The following RGL3 variants were observed in gnomAD, a reference collection of about 807,000 sequenced individuals.
RGL3 encodes the protein ral guanine nucleotide dissociation stimulator like 3.
Under a neutral mutation model 90.6 loss-of-function variants are expected in RGL3, and 85 were observed. The observed-to-expected ratio is 0.94, with a 90% CI of 0.79 to 1.12. The LOEUF (loss-of-function observed/expected upper bound fraction) is 1.12, where lower values mean the gene tolerates loss of function less well. Among genes scored for constraint, RGL3 ranks in the 50% most tolerant of loss-of-function variants. RGL3 has a pLI of 0.00. For missense variants in RGL3, 1,034 were observed against 939.2 expected, an observed-to-expected ratio of 1.10 and a Z score of -1.32; for synonymous variants, 408 against 385.5, an observed-to-expected ratio of 1.06 and a Z score of -0.68.
In RGL3 at chr19:11,416,135, C is replaced by T. The variant is rs779035804; in HGVS notation, c.439G>A (p.Val147Met). The part of the protein sequence containing the change: ...FNKNLRAVVS[V>M]LGSWLQDHPQ... ...TGGTCCTGCAGCCAGGAGCCCAGCA[C>T]TGACACCACAGCCCTGGCCAGAGAG... The change falls in exon 5 of 19, where the codon GTG becomes ATG. Residue 147 changes from valine to methionine, a missense_variant. Transcript: ENST00000380456. The T allele has an allele frequency of 6.3e-7, 1 of 1,577,334 alleles. No homozygotes were observed. Among genetic ancestry groups the T allele is most frequent in the Non-Finnish European group, 8.6e-7 (1 of 1,163,250 alleles).
At position 11,397,580 on chromosome 19, in the gene RGL3, G is replaced by A. The variant is rs367697602; in HGVS notation, c.1764C>T (p.Asp588=). ...GPSTKLPLSL[D]LPSPRPFALP... is the part of the protein sequence containing the mutation. ...AAGCGAAGGGCCGGGGGCTGGGCAG[G>A]TCCAGGCTCAGGGGCAGCTGCAGGC... The change falls in exon 17 of 19, where the codon GAC becomes GAT. Residue 588 remains aspartate, a synonymous_variant. Transcript: ENST00000380456. 1.9e-6 allele frequency: 3 copies of A among 1,572,788 alleles called. No individual in the cohort carries two copies. Among genetic ancestry groups the A allele is most frequent in the East Asian group, 2.3e-5 (1 of 43,070 alleles).
chr19:11,404,557 AATG>A (rs1317401722), intron 9 of RGL3, among the ~76,000 whole-genome samples: 5 of 150,588 alleles, frequency 3.3e-5, no homozygotes, highest in Admixed American at 2.0e-4. Context: ...CAAAAAAACA[AATG>A]ATGACGACAA....
chr19:11,401,069 T>G lies in RGL3; in HGVS notation c.1485-772A>C, dbSNP rs1259146590. On this transcript the variant is annotated intron_variant, in intron 13 of 18. Transcript: ENST00000380456. The stretch of plus-strand genomic sequence containing the variant: ...AGGGTCAAGGGTTGGGGTCAGAGAG[T>G]CAGATGAGGGGTCATGAATAAGGTC... Among the ~76,000 whole-genome samples the G allele has an allele frequency of 2.7e-5, 4 of 150,158 alleles. No individual in the cohort carries two copies. The East Asian group carries it at 8.1e-4, about 31-fold the overall frequency.
At chr19:11,405,491 CATCT>C in intron 7 of RGL3, 65 bp from the exon 8 acceptor site, 6 of 139,988 alleles carry the variant, frequency 4.3e-5, no homozygotes, top group Admixed American at 1.2e-4. Flanking sequence ...GAAACTTCTT[CATCT>C]TTTTTTTTTT....
In RGL3 at chr19:11,415,973, G is replaced by A. The variant is rs1213961717; in HGVS notation, c.601C>T (p.Arg201Ter). The change falls in exon 5 of 19, where the codon CGA becomes TGA. Residue 201 changes from arginine to a stop codon, truncating the protein, a stop_gained. Transcript: ENST00000380456. LOFTEE classifies it high-confidence loss of function. ...TGAGGCGGCTCCTCTTCCTGCTCTC[G>A]CTCAGCCTCCTCCAAAAAATCTTCC... ...LLEDFLEEAE[R>*]EQEEEPPQVW... 3.1e-6 allele frequency: 5 copies of A among 1,613,492 alleles called. No homozygotes were observed. Among genetic ancestry groups the A allele is most frequent in the African/African-American group, 1.3e-5 (1 of 74,800 alleles).
Position 11,394,264 on chromosome 19 carries a change from G to C in RGL3, c.*138C>G. ...ACCAACAGAGTCAGAAAAAGAGATGGGGTCCAATGGGCTACAGTTGGGTGG... is the reference window on the plus strand; with the variant it reads ...ACCAACAGAGTCAGAAAAAGAGATGCGGTCCAATGGGCTACAGTTGGGTGG... On this transcript the variant is annotated 3_prime_UTR_variant, in exon 19 of 19. Transcript: ENST00000380456. The C allele has an allele frequency of 2.9e-6, 2 of 700,036 alleles. No individual in the cohort carries two copies. Among genetic ancestry groups the C allele is most frequent in the South Asian group, 3.3e-5 (2 of 61,182 alleles). 43.4% of individuals were successfully genotyped at this position (700,036 alleles called of 1,614,324 possible).
At position 11,418,717 on chromosome 19, in the gene RGL3, T is replaced by G. The variant is rs1287573433; in HGVS notation, c.101A>C (p.Gln34Pro). The change falls in exon 2 of 19, where the codon CAG (glutamine) becomes CCG (proline). Residue 34 changes from glutamine to proline, a missense_variant. Coordinates refer to ENST00000380456, the MANE Select transcript of RGL3 (RefSeq NM_001035223.4). ...GAVYSVSLRR[Q>P]RSQRRSPAEG... Reference sequence around the variant, plus strand: ...CGCCGGGCTCCTGCGCTGACTGCGCTGCCGCCGCAGGGAGACACTGTACAC... The same window carrying G: ...CGCCGGGCTCCTGCGCTGACTGCGCGGCCGCCGCAGGGAGACACTGTACAC... 6.3e-7 allele frequency: 1 copy of G among 1,575,212 alleles called. No homozygotes were observed. Among genetic ancestry groups the G allele is most frequent in the Admixed American group, 1.8e-5 (1 of 55,270 alleles).
chr19:11,408,432 A>G (rs1201336650), intron 5 of RGL3, among the ~76,000 whole-genome samples: 3 of 152,118 alleles, frequency 2.0e-5, no homozygotes, highest in Admixed American at 2.0e-4. Flanking sequence ...AAAAAAATAC[A>G]AAAATTAGCC....
At chr19:11,407,074 C>T (rs1237087887) in intron 5 of RGL3, 2 of 476,186 alleles carry the variant, frequency 4.2e-6, no homozygotes, top group South Asian at 2.8e-5. Flanking sequence ...CAACCTCCGC[C>T]TCCTGGGTTC....
rs771530053 is a variant in RGL3 at position 11,397,324 on chromosome 19, C to T, written c.1934G>A (p.Arg645Gln). 3.1e-5 allele frequency: 50 copies of T among 1,609,574 alleles called. No homozygotes were observed. The Middle Eastern group carries it at 5.0e-4, about 16-fold the overall frequency. The change falls in exon 18 of 19, where the codon CGG (arginine) becomes CAG (glutamine). Residue 645 changes from arginine (R) to glutamine (Q), a missense_variant. By Grantham distance (43) the Arg-to-Gln change is conservative. Coordinates refer to ENST00000380456, the MANE Select transcript of RGL3 (RefSeq NM_001035223.4). ...TSQDKAPSVV[R>Q]RALQKHNVPQ... Reference sequence around the variant, plus strand: ...CACATTGTGCTTCTGCAAGGCTCGCCGGACCACGCTGGGGGCTTTGTCCTG... The same window carrying T: ...CACATTGTGCTTCTGCAAGGCTCGCTGGACCACGCTGGGGGCTTTGTCCTG...
chr19:11,416,185 A>T, intron 4 of RGL3, 37 bp from the exon 5 acceptor site: 62 of 1,163,268 alleles, frequency 5.3e-5, no homozygotes, highest in Non-Finnish European at 6.1e-5. Flanking sequence ...CTGGGTCCAG[A>T]GTGGGGGACA....
At chr19:11,414,466 T>C (rs1437238235) in intron 5 of RGL3, among the ~76,000 whole-genome samples, 3 of 87,864 alleles carry the variant, frequency 3.4e-5, no homozygotes, top group Non-Finnish European at 4.7e-5. Context: ...TATACCTTCA[T>C]ATATATATAT....
intron 16 of RGL3, 32 bp from the exon 17 acceptor site, chr19:11,397,629 T>C (rs1346867095): frequency 2.0e-6 from 3 of 1,495,966 alleles, no homozygotes; most frequent in Non-Finnish European, 2.7e-6. Context: ...GGCTACAGCT[T>C]GGCCCATCTG....
rs752709520 is a variant in RGL3 at position 11,400,232 on chromosome 19, C to T, written c.1550G>A (p.Arg517Gln). The change falls in exon 14 of 19, where the codon CGG (arginine) becomes CAG (glutamine). Residue 517 changes from arginine (R) to glutamine (Q), a missense_variant. By Grantham distance (43) the Arg-to-Gln change is conservative (BLOSUM62 1). Transcript: ENST00000380456. ...GAGACGCTTGGTGAGGCTGATCCGC[C>T]GTCGGATGCGTGGGGAGCTGGGGCA... Reference protein sequence around the residue: ...ASCPSSPRIRRRISLTKRLSA... With the variant: ...ASCPSSPRIRQRISLTKRLSA... The T allele has an allele frequency of 6.4e-5, 102 of 1,596,356 alleles. 1 individual carries two copies. Among genetic ancestry groups the T allele is most frequent in the South Asian group, 3.4e-4 (30 of 88,790 alleles).
chr19:11,397,280 C>T lies in RGL3; in HGVS notation c.1978G>A (p.Asp660Asn). The change falls in exon 18 of 19, where the codon GAC becomes AAC. Residue 660 changes from aspartate (D) to asparagine (N), a missense_variant. Coordinates refer to ENST00000380456, the MANE Select transcript of RGL3 (RefSeq NM_001035223.4). ...GGAAGGACTTGAAAGAGCTGATAGT[C>T]ACAGGCCCAGGGCTGGGGCACATTG... ...KHNVPQPWAC[D>N]YQLFQVLPGD... 6.2e-7 allele frequency: 1 copy of T among 1,613,926 alleles called. No individual in the cohort carries two copies. The highest frequency in any genetic ancestry group is 8.5e-7 in the Non-Finnish European group (1 of 1,179,970).
intron 5 of RGL3, among the ~76,000 whole-genome samples, chr19:11,407,688 C>CTT (rs773809188): frequency 1.0e-4 from 14 of 137,928 alleles, no homozygotes; most frequent in Middle Eastern, 3.7e-3. Flanking sequence ...CTCTCTGTGC[C>CTT]TTTTTTTTTT....
rs1568342108 is a variant in RGL3, at chr19:11,414,528, T to TATATATATATATAC, written c.637+1408_637+1409insGTATATATATATAT. Among the ~76,000 whole-genome samples the TATATATATATATAC allele has an allele frequency of 2.0e-3, 145 of 74,088 alleles. 3 individuals are homozygous for TATATATATATATAC. Among genetic ancestry groups the TATATATATATATAC allele is most frequent in the African/African-American group, 3.5e-3 (67 of 19,010 alleles). The allele number at this position is 74,088 out of a possible 152,430, so 48.6% of individuals were successfully genotyped here. A position where few individuals can be genotyped will look rare whatever the true frequency, so the allele number is the denominator to read the frequency against. Reference sequence around the variant, plus strand: ...ATATATATATATATATATATATATATACCTTTATATATATATAAATAACTG... The same window carrying TATATATATATATAC: ...ATATATATATATATATATATATATATATATATATATATACACCTTTATATATATATAAATAACTG... On this transcript the variant is annotated intron_variant, in intron 5 of 18. Transcript: ENST00000380456.
intron 5 of RGL3, among the ~76,000 whole-genome samples, chr19:11,412,137 G>A (rs1325070260): frequency 1.3e-5 from 2 of 151,886 alleles, no homozygotes; most frequent in Non-Finnish European, 2.9e-5. Flanking sequence ...AAAATTAGCC[G>A]GGTGTGGTGG....
chr19:11,404,185 C>T (rs1324657541), intron 9 of RGL3, among the ~76,000 whole-genome samples: 6 of 152,172 alleles, frequency 3.9e-5, no homozygotes, highest in South Asian at 2.1e-4. Context: ...GCCCAGCTCA[C>T]GTGCTGTTCT....
Sources: gnomAD v4.1 joint callset for allele counts (sites outside exome capture counted in the v4.1 genomes callset) on GRCh38, gnomAD v4.1.1 for gene constraint, MANE v1.5 for transcripts, NCBI Gene and HGNC (gene_info 2026-07-23, HGNC 2026-07-21) for gene names.